DIP2C: variants seen among roughly 807,000 people sequenced by gnomAD.
The protein encoded by DIP2C is DIP2 acetate--CoA ligase C (putative), also known as disco-interacting protein 2 homolog C.
DIP2C carries 33 observed loss-of-function variants against 192.4 expected under a neutral mutation model. The observed-to-expected ratio is 0.17, with a 90% CI of 0.13 to 0.23. The LOEUF (loss-of-function observed/expected upper bound fraction) is 0.23, where lower values mean the gene tolerates loss of function less well. Among genes scored for constraint, DIP2C ranks in the 10% least tolerant of loss-of-function variants. The pLI is 1.00. For synonymous variants in DIP2C, 979 were observed against 864.1 expected (o/e 1.13, Z -2.33); for missense variants, 1,537 against 2,110.1 (o/e 0.73, Z 5.32).
chr10:614,850 A>G (rs544850255), intron 1 of DIP2C, among the ~76,000 whole-genome samples: 2 of 152,358 alleles, frequency 1.3e-5, no homozygotes, highest in East Asian at 3.9e-4. Context: ...CCAACACGTC[A>G]TCATAAGGAA....
chr10:689,592 C>T lies in DIP2C; in HGVS notation c.-14G>A. 1.7e-6 allele frequency: 2 copies of T among 1,148,254 alleles called. No individual in the cohort carries two copies. The highest frequency in any genetic ancestry group is 3.3e-4 in the Middle Eastern group (1 of 2,986). The allele number at this position is 1,148,254 out of a possible 1,614,324, so 71.1% of individuals were successfully genotyped here. ...GCGGTCCGCCATGCTCCGCGGGCGC[C>T]GCGCCCCGCACGGCCTCCTCTTTGT... is the stretch of plus-strand genomic sequence containing the variant. On this transcript the variant is annotated 5_prime_UTR_variant, in exon 1 of 37. Transcript: ENST00000280886. This position sits in a 1 kb window ranked among gnomAD's most constrained non-coding sequence, Gnocchi z 6.1.
At chr10:538,364 A>AGCCT (rs1294338538) in intron 1 of DIP2C, among the ~76,000 whole-genome samples, 2 of 152,176 alleles carry the variant, frequency 1.3e-5, no homozygotes, top group African/African-American at 4.8e-5. Context: ...CTGGTTGCCT[A>AGCCT]GCCTGGTCTC....
rs145993316 is a variant in DIP2C, at chr10:551,535, T to A, written c.86-65005A>T. On this transcript the variant is annotated intron_variant, in intron 1 of 36. Coordinates refer to ENST00000280886, the MANE Select transcript of DIP2C (RefSeq NM_014974.3). ...TGGCTCAAGAGGAAGGAGGCCTCGG[T>A]GCACAAACCCACAAGTGCCTTCCCT... Among the ~76,000 whole-genome samples, 803 of 152,308 alleles carry A rather than the reference T, an allele frequency of 5.3e-3. 9 individuals carry two copies. Among genetic ancestry groups the A allele is most frequent in the African/African-American group, 0.018 (754 of 41,558 alleles).
chr10:606,729 A>G (rs1356670829), intron 1 of DIP2C, among the ~76,000 whole-genome samples: 9 of 152,236 alleles, frequency 5.9e-5, no homozygotes, highest in African/African-American at 2.2e-4. Flanking sequence ...CTTGCAAACA[A>G]CAAAAAATCC....
intron 1 of DIP2C, among the ~76,000 whole-genome samples, chr10:661,324 C>G (rs777279731): frequency 2.0e-5 from 3 of 152,226 alleles, no homozygotes; most frequent in Non-Finnish European, 4.4e-5. Flanking sequence ...TGGCTCCCTC[C>G]TCCACCTGGA....
At chr10:343,140 T>A (rs1253342907) in intron 28 of DIP2C, among the ~76,000 whole-genome samples, 2 of 152,096 alleles carry the variant, frequency 1.3e-5, no homozygotes, top group Non-Finnish European at 1.5e-5. Flanking sequence ...ATACAAAAAA[T>A]TAGCTAGGGG....
intron 1 of DIP2C, among the ~76,000 whole-genome samples, chr10:612,111 A>G (rs2131782095): frequency 6.6e-6 from 1 of 152,260 alleles, no homozygotes; most frequent in East Asian, 1.9e-4. Context: ...CCTGGCCAAC[A>G]TGTTGAAACC....
At chr10:593,485 A>ACCCCCCCCCCCCCCCCC (rs10563749) in intron 1 of DIP2C, among the ~76,000 whole-genome samples, 1 of 64,190 alleles carries the variant, frequency 1.6e-5, no homozygotes, top group African/African-American at 6.4e-5. Context: ...CCCACGCGGG[A>ACCCCCCCCCCCCCCCCC]CCCCCCCCCC....
At chr10:427,510 A>G (rs1007569749) in intron 4 of DIP2C, among the ~76,000 whole-genome samples, 3 of 152,214 alleles carry the variant, frequency 2.0e-5, no homozygotes, top group Non-Finnish European at 4.4e-5. Flanking sequence ...TTACACCTGT[A>G]AAAGTCGTTC....
At chr10:375,079 G>C (rs116446132) in intron 17 of DIP2C, among the ~76,000 whole-genome samples, 1 of 152,238 alleles carries the variant, frequency 6.6e-6, no homozygotes, top group Non-Finnish European at 1.5e-5. Context: ...ACAATACCAC[G>C]ATGACGTGCA....
intron 4 of DIP2C, among the ~76,000 whole-genome samples, chr10:433,852 A>G (rs1966962377): frequency 1.3e-5 from 2 of 152,238 alleles, no homozygotes; most frequent in South Asian, 4.2e-4. Context: ...AGTTGAATTA[A>G]TATCTACCAT....
intron 31 of DIP2C, among the ~76,000 whole-genome samples, chr10:324,152 C>T (rs1182379575): frequency 2.6e-5 from 4 of 152,176 alleles, no homozygotes; most frequent in African/African-American, 7.2e-5. Flanking sequence ...TAAAATGAGT[C>T]ACTTCCTGAA....
At position 374,861 on chromosome 10, in the gene DIP2C, C is replaced by T. The variant is rs895609876; in HGVS notation, c.1992-5228G>A. On this transcript the variant is annotated intron_variant, in intron 17 of 36. Coordinates refer to ENST00000280886, the MANE Select transcript of DIP2C (RefSeq NM_014974.3). ...TCCACCTTAATAATCAATATCAGTA[C>T]ATTAAAAAATGGCTAATAAAGGTAT... 7.2e-5 allele frequency among the ~76,000 whole-genome samples: 11 copies of T among 152,298 alleles called. No individual in the cohort carries two copies. In the East Asian group the frequency reaches 1.7e-3, roughly 24 times the overall value.
intron 3 of DIP2C, among the ~76,000 whole-genome samples, chr10:448,701 C>CA (rs1396145299): frequency 2.1e-5 from 3 of 143,120 alleles, no homozygotes; most frequent in Non-Finnish European, 4.5e-5. Flanking sequence ...CACAGTGGGG[C>CA]AGCAGGACCC....
intron 17 of DIP2C, among the ~76,000 whole-genome samples, chr10:373,163 C>T (rs1961195190): frequency 6.6e-6 from 1 of 152,216 alleles, no homozygotes; most frequent in Admixed American, 6.5e-5. Context: ...CCTCCCTGGT[C>T]TTTGCCTCTG....
intron 24 of DIP2C, among the ~76,000 whole-genome samples, chr10:354,499 C>T (rs1420317020): frequency 2.0e-5 from 3 of 152,166 alleles, no homozygotes; most frequent in East Asian, 1.9e-4. Flanking sequence ...TGCCCATGAA[C>T]GTACCCAAAT....
At chr10:345,363 A>AT (rs1554825142) in intron 26 of DIP2C, among the ~76,000 whole-genome samples, 2 of 152,032 alleles carry the variant, frequency 1.3e-5, no homozygotes, top group South Asian at 2.1e-4. Flanking sequence ...CAGCGTTGTG[A>AT]CATGTGCAGA....
chr10:673,567 T>A (rs894244952), intron 1 of DIP2C, among the ~76,000 whole-genome samples: 1 of 152,172 alleles, frequency 6.6e-6, no homozygotes, highest in African/African-American at 2.4e-5. Context: ...GTGCTGCTTC[T>A]CCCTGCATGA....
chr10:485,162 T>C (rs777273285), intron 2 of DIP2C, among the ~76,000 whole-genome samples: 17 of 152,224 alleles, frequency 1.1e-4, no homozygotes, highest in Non-Finnish European at 2.4e-4. Flanking sequence ...AGGAACCGCT[T>C]CTGTTTCACT....
Sources: allele counts gnomAD v4.1 joint callset (sites outside exome capture counted in the v4.1 genomes callset), GRCh38; gene constraint gnomAD v4.1.1; non-coding constraint Gnocchi (gnomAD v3.1); transcripts MANE v1.5; gene names NCBI Gene and HGNC (gene_info 2026-07-23, HGNC 2026-07-21).